GRK4: variants seen among roughly 807,000 people sequenced by gnomAD.
GRK4 encodes G protein-coupled receptor kinase 2-like.
In GRK4, 73 loss-of-function variants were observed where a neutral mutation model predicts 77.9. The observed-to-expected ratio is 0.94, with a 90% confidence interval of 0.78 to 1.14. GRK4 has a LOEUF of 1.14. GRK4 is among the 50% of genes most tolerant of loss of function. The pLI, the probability that GRK4 is intolerant of heterozygous loss-of-function variation, is 0.00. For synonymous variants in GRK4, 257 were observed against 254.4 expected, an observed-to-expected ratio of 1.01 and a Z score of -0.10; for missense variants, 729 against 700.2, an observed-to-expected ratio of 1.04 and a Z score of -0.46.
intron 2 of GRK4, 31 bp from the exon 3 acceptor site, chr4:2,988,696 T>G (rs2109628074): frequency 8.6e-7 from 1 of 1,168,664 alleles, no homozygotes; most frequent in Middle Eastern, 1.9e-4. Context: ...TGATTCTATT[T>G]GTTTGCTTCT....
rs186171123 is a variant in GRK4, at chr4:3,029,403, C to T, written c.1263C>T (p.Cys421=). Residue 421 remains cysteine (C), a synonymous_variant, in exon 12 of 16, where the codon TGC becomes TGT. Coordinates refer to ENST00000398052, the MANE Select transcript of GRK4 (RefSeq NM_182982.3). ...EKFSEDAKSI[C]RMLLTKNPSK... ...TTTCAGAGGATGCCAAATCTATCTGCAGGATGGTAAGTCAGGCTCTGTAGA... is the reference window on the plus strand; with the variant it reads ...TTTCAGAGGATGCCAAATCTATCTGTAGGATGGTAAGTCAGGCTCTGTAGA... 2.5e-6 allele frequency: 4 copies of T among 1,612,516 alleles called. No individual in the cohort carries two copies. In the Admixed American group the frequency reaches 5.0e-5, roughly 20 times the overall value.
At chr4:2,965,645 G>A in intron 1 of GRK4, 1 of 595,040 alleles carries the variant, frequency 1.7e-6, no homozygotes. Flanking sequence ...GGAGAGTCCA[G>A]CCTGGGCAAA....
At chr4:2,969,004 G>A (rs1012767840) in intron 1 of GRK4, among the ~76,000 whole-genome samples, 1 of 152,084 alleles carries the variant, frequency 6.6e-6, no homozygotes, top group Admixed American at 6.6e-5. Flanking sequence ...TACACCGTGG[G>A]GGAGAAGTAA....
At chr4:2,990,246 C>CTTTTTTTTTTTT (rs71644371) in intron 3 of GRK4, among the ~76,000 whole-genome samples, 19 of 70,746 alleles carry the variant, frequency 2.7e-4, no homozygotes, top group Non-Finnish European at 3.4e-4. Flanking sequence ...TCTTCTTCTT[C>CTTTTTTTTTTTT]TTTTTTTTTT....
chr4:3,024,689 G>C (rs1247034992), intron 10 of GRK4, among the ~76,000 whole-genome samples: 1 of 151,888 alleles, frequency 6.6e-6, no homozygotes, highest in Admixed American at 6.6e-5. Context: ...GTGAAACCCT[G>C]TCTCTACTAA....
chr4:2,995,554 G>A (rs994637996), intron 4 of GRK4, among the ~76,000 whole-genome samples: 2 of 150,538 alleles, frequency 1.3e-5, no homozygotes, highest in Non-Finnish European at 2.9e-5. Flanking sequence ...GGTGGTGCAT[G>A]CCTATAATCC....
At chr4:2,998,025 C>T (rs974757549) in intron 4 of GRK4, among the ~76,000 whole-genome samples, 13 of 151,898 alleles carry the variant, frequency 8.6e-5, no homozygotes, top group Non-Finnish European at 1.5e-4. Context: ...TTCCATTGTA[C>T]TGGAGGTTCT....
chr4:3,009,581 G>A, intron 6 of GRK4, 67 bp from the exon 7 acceptor site: 2 of 1,241,714 alleles, frequency 1.6e-6, no homozygotes, highest in Non-Finnish European at 1.2e-6. Context: ...CAAGCGCTGA[G>A]TAAACTTTTC....
At chr4:2,980,523 A>G (rs1283194219) in intron 1 of GRK4, among the ~76,000 whole-genome samples, 1 of 151,482 alleles carries the variant, frequency 6.6e-6, no homozygotes, top group African/African-American at 2.4e-5. Flanking sequence ...TGAGATCTCA[A>G]TGTGCAAATA....
chr4:3,035,655 C>G, intron 13 of GRK4, 132 bp downstream of exon 13: 3 of 992,112 alleles, frequency 3.0e-6, no homozygotes, highest in South Asian at 1.7e-5. Context: ...CACTCCTGGC[C>G]TCAAGTGGTC....
At chr4:3,002,679 G>T (rs1324161322) in intron 4 of GRK4, among the ~76,000 whole-genome samples, 1 of 151,994 alleles carries the variant, frequency 6.6e-6, no homozygotes, top group East Asian at 1.9e-4. Flanking sequence ...CTCCAGCCTG[G>T]ACCACAGAAC....
intron 11 of GRK4, 147 bp from the exon 12 acceptor site, chr4:3,029,054 G>A (rs1425977583): frequency 3.1e-6 from 2 of 654,708 alleles, no homozygotes; most frequent in Non-Finnish European, 5.2e-6. Context: ...TTATAGGTGT[G>A]AGCCACCGCT....
chr4:3,004,376 T>A, intron 5 of GRK4, 42 bp downstream of exon 5: 1 of 1,263,830 alleles, frequency 7.9e-7, no homozygotes, highest in Non-Finnish European at 1.2e-6. Context: ...TATCTATGAC[T>A]AACCCCAAAA....
chr4:2,979,717 A>G (rs1722306224), intron 1 of GRK4, among the ~76,000 whole-genome samples: 1 of 151,360 alleles, frequency 6.6e-6, no homozygotes, highest in African/African-American at 2.4e-5. Context: ...CCGTCCCCCT[A>G]CCCCCCCAAA....
intron 10 of GRK4, among the ~76,000 whole-genome samples, chr4:3,026,569 A>T (rs1032327160): frequency 1.3e-5 from 2 of 152,182 alleles, no homozygotes; most frequent in Non-Finnish European, 2.9e-5. Context: ...GTCTCTACAA[A>T]AGAAAAGAAA....
At chr4:2,967,832 T>A (rs189556048) in intron 1 of GRK4, among the ~76,000 whole-genome samples, 1 of 152,206 alleles carries the variant, frequency 6.6e-6, no homozygotes, top group East Asian at 1.9e-4. Context: ...TTGCCCAGGC[T>A]GGAGTGCAAT....
intron 4 of GRK4, among the ~76,000 whole-genome samples, chr4:3,001,737 T>C (rs1236308425): frequency 6.6e-6 from 1 of 152,194 alleles, no homozygotes; most frequent in African/African-American, 2.4e-5. Context: ...CATGATTAAT[T>C]GTGATAATAT....
In GRK4 at chr4:2,988,854, T is replaced by C; in HGVS notation, c.261+15T>C. The C allele has an allele frequency of 6.8e-7, 1 of 1,460,524 alleles. No individual in the cohort carries two copies. The highest frequency in any genetic ancestry group is 9.6e-7 in the Non-Finnish European group (1 of 1,040,216). The allele number at this position is 1,460,524 out of a possible 1,614,324, so 90.5% of individuals were successfully genotyped here. A position where few individuals can be genotyped will look rare whatever the true frequency, so the allele number is the denominator to read the frequency against. ...TGGATGCAGTGGTGAGCAGTTTATC[T>C]CCATATTGAGCAACCACCCAATCTT... On this transcript the variant is annotated intron_variant, in intron 3 of 15. Transcript: ENST00000398052.
At chr4:2,980,137 C>A (rs780465420) in intron 1 of GRK4, among the ~76,000 whole-genome samples, 2 of 152,154 alleles carry the variant, frequency 1.3e-5, no homozygotes, top group Non-Finnish European at 1.5e-5. Flanking sequence ...CACAGGGTAC[C>A]CAGAGCCTGG....
Sources: gnomAD v4.1 joint callset for allele counts (sites outside exome capture counted in the v4.1 genomes callset) on GRCh38, gnomAD v4.1.1 for gene constraint, MANE v1.5 for transcripts, NCBI Gene and HGNC (gene_info 2026-07-23, HGNC 2026-07-21) for gene names.